Variants in ARFGEF1 observed in about 807,000 individuals in gnomAD.
ARFGEF1 encodes brefeldin A-inhibited guanine nucleotide-exchange protein 1.
A neutral mutation model predicts 231.0 loss-of-function variants in ARFGEF1; 42 were observed. The ratio of observed to expected loss-of-function variants is 0.18; its 90% CI spans 0.14 to 0.24. The LOEUF (loss-of-function observed/expected upper bound fraction) is 0.24. Among genes scored for constraint, ARFGEF1 ranks in the 10% least tolerant of loss-of-function variants. The probability of loss-of-function intolerance (pLI) is 1.00; values close to 1 mark genes in which losing one functional copy is unlikely to be tolerated. For synonymous variants in ARFGEF1, 710 were observed against 732.3 expected (o/e 0.97, Z 0.49); for missense variants, 1,345 against 2,192.0 (o/e 0.61, Z 7.72).
chr8:67,294,103 C>T (rs1468786700), intron 5 of ARFGEF1, among the ~76,000 whole-genome samples: 2 of 151,836 alleles, frequency 1.3e-5, no homozygotes, highest in South Asian at 2.1e-4. Flanking sequence ...CTAAACAATA[C>T]AGTATAACAA....
intron 19 of ARFGEF1, among the ~76,000 whole-genome samples, chr8:67,248,816 A>G (rs189550212): frequency 1.3e-5 from 2 of 150,652 alleles, no homozygotes; most frequent in East Asian, 3.9e-4. Flanking sequence ...ACAATTTAGG[A>G]CGGTCATGCC....
At chr8:67,206,602 G>A (rs1326604704) in intron 34 of ARFGEF1, among the ~76,000 whole-genome samples, 2 of 152,168 alleles carry the variant, frequency 1.3e-5, no homozygotes, top group Non-Finnish European at 1.5e-5. Flanking sequence ...ACTCACGGGC[G>A]TGCTCCCCTT....
intron 1 of ARFGEF1, among the ~76,000 whole-genome samples, chr8:67,328,113 CA>C (rs1043211512): frequency 3.7e-4 from 57 of 152,166 alleles, no homozygotes; most frequent in East Asian, 5.8e-4. Flanking sequence ...TGAGATAAGA[CA>C]TTTTTTTAAA....
At chr8:67,288,707 T>C (rs755014002) in intron 6 of ARFGEF1, among the ~76,000 whole-genome samples, 1 of 151,968 alleles carries the variant, frequency 6.6e-6, no homozygotes, top group Non-Finnish European at 1.5e-5. Context: ...CACTCCACCC[T>C]GGGTGACAGA....
At chr8:67,337,128 C>CAAA (rs1160016610) in intron 1 of ARFGEF1, among the ~76,000 whole-genome samples, 1,808 of 54,782 alleles carry the variant, frequency 0.033, 218 homozygotes, top group African/African-American at 0.093. Context: ...GACGCCGTCT[C>CAAA]AAAAAAAAAA....
chr8:67,296,063 C>T (rs1563896924), intron 5 of ARFGEF1, among the ~76,000 whole-genome samples: 1 of 152,000 alleles, frequency 6.6e-6, no homozygotes, highest in African/African-American at 2.4e-5. Flanking sequence ...TGGAAATATA[C>T]TTTTTTAAGG....
Position 67,295,997 on chromosome 8 carries a change from T to C in ARFGEF1, c.639+434A>G, listed in dbSNP as rs1399941208. On this transcript the variant is annotated intron_variant, in intron 5 of 38. Transcript: ENST00000262215. ...ACAATCAACCTGAAGCAGTTCAAAG[T>C]ATAAGGAATATCATGCCCCTTTATC... 2.0e-5 allele frequency among the ~76,000 whole-genome samples: 3 copies of C among 152,144 alleles called. No homozygotes were observed. The East Asian group carries it at 5.8e-4, about 29-fold the overall frequency.
chr8:67,302,905 T>TAAAA (rs1563902346), intron 1 of ARFGEF1, among the ~76,000 whole-genome samples: 4 of 100,252 alleles, frequency 4.0e-5, no homozygotes, highest in African/African-American at 1.2e-4. Context: ...ACCCCATCTC[T>TAAAA]TAAAAAAAAA....
At chr8:67,236,368 ATAT>A (rs1587105997) in intron 22 of ARFGEF1, among the ~76,000 whole-genome samples, 74 of 26,136 alleles carry the variant, frequency 2.8e-3, no homozygotes, top group South Asian at 5.9e-3. Flanking sequence ...AAAAAAAAAT[ATAT>A]ATATATATAT....
chr8:67,233,714 T>C (rs1025265495), intron 22 of ARFGEF1, among the ~76,000 whole-genome samples: 3 of 151,900 alleles, frequency 2.0e-5, no homozygotes, highest in African/African-American at 7.3e-5. Flanking sequence ...CCAGATTATT[T>C]CCTAAATCGT....
chr8:67,340,024 A>G (rs1808553358), intron 1 of ARFGEF1, among the ~76,000 whole-genome samples: 1 of 152,080 alleles, frequency 6.6e-6, no homozygotes, highest in African/African-American at 2.4e-5. Context: ...TGACAAAAAA[A>G]AAAGTTTTAA....
At chr8:67,214,299 T>A (rs1359232555) in intron 33 of ARFGEF1, among the ~76,000 whole-genome samples, 1 of 152,212 alleles carries the variant, frequency 6.6e-6, no homozygotes, top group Non-Finnish European at 1.5e-5. Flanking sequence ...TGTTGTAAAG[T>A]GGCAGAAAGC....
chr8:67,195,572 C>T (rs772464232), downstream of ARFGEF1: 2 of 1,613,978 alleles, frequency 1.2e-6, no homozygotes, highest in African/African-American at 2.7e-5. Context: ...CTTGGCAGGG[C>T]CTGTCGACTG....
chr8:67,292,028 T>C lies in ARFGEF1; in HGVS notation c.735A>G (p.Gln245=), dbSNP rs1374951511. ...PVSHHEPESP[Q]LRYLPPQTVD... The stretch of plus-strand genomic sequence containing the variant: ...CAGTCTGAGGTGGCAAATATCTAAG[T>C]TGAGGTGATTCAGGCTCGTGATGGC... The change falls in exon 6 of 39, where the codon CAA becomes CAG. Residue 245 remains glutamine (Q), a synonymous_variant. Transcript: ENST00000262215. The C allele has an allele frequency of 3.1e-6, 5 of 1,613,984 alleles. No homozygotes were observed. The South Asian group carries it at 3.3e-5, about 11-fold the overall frequency.
At chr8:67,322,516 G>A (rs1199447684) in intron 1 of ARFGEF1, among the ~76,000 whole-genome samples, 1 of 152,170 alleles carries the variant, frequency 6.6e-6, no homozygotes, top group Non-Finnish European at 1.5e-5. Flanking sequence ...GGGCAATATA[G>A]AGAGACCCCA....
At chr8:67,320,073 T>C (rs1327322017) in intron 1 of ARFGEF1, among the ~76,000 whole-genome samples, 1 of 151,610 alleles carries the variant, frequency 6.6e-6, no homozygotes, top group East Asian at 1.9e-4. Flanking sequence ...ATACAAAAAT[T>C]AGCTGGGCCT....
At chr8:67,194,821 A>G (rs557567663), downstream of ARFGEF1, among the ~76,000 whole-genome samples, 9 of 152,318 alleles carry the variant, frequency 5.9e-5, no homozygotes, top group Admixed American at 1.3e-4. Context: ...AGAATGAAGC[A>G]AGAGCTACCT....
At chr8:67,335,255 G>A (rs1478767175) in intron 1 of ARFGEF1, among the ~76,000 whole-genome samples, 8 of 151,652 alleles carry the variant, frequency 5.3e-5, no homozygotes, top group African/African-American at 1.2e-4. Flanking sequence ...ACAGGCGCCC[G>A]CCACTACGAC....
intron 19 of ARFGEF1, among the ~76,000 whole-genome samples, chr8:67,250,588 G>A (rs1840251243): frequency 6.6e-6 from 1 of 152,178 alleles, no homozygotes; most frequent in Non-Finnish European, 1.5e-5. Flanking sequence ...CCACACATAC[G>A]TGTAGTTAGA....
Sources: gnomAD v4.1 joint callset for allele counts (sites outside exome capture counted in the v4.1 genomes callset) on GRCh38, gnomAD v4.1.1 for gene constraint, MANE v1.5 for transcripts, NCBI Gene and HGNC (gene_info 2026-07-23, HGNC 2026-07-21) for gene names.